Variants in EYS observed in about 807,000 individuals in gnomAD.
The protein encoded by EYS is protein eyes shut homolog.
EYS carries 250 observed loss-of-function variants against 282.1 expected under a neutral mutation model. That is an observed-to-expected ratio of 0.89 (90% CI 0.80 to 0.98). The LOEUF (loss-of-function observed/expected upper bound fraction) is 0.98, where lower values mean the gene tolerates loss of function less well. Among genes scored for constraint, EYS ranks in the 50% least tolerant of loss-of-function variants. The probability of loss-of-function intolerance (pLI) is 0.00; values close to 1 mark genes in which losing one functional copy is unlikely to be tolerated. For missense variants in EYS, 4,016 were observed against 3,709.0 expected (o/e 1.08, Z -2.15); for synonymous variants, 1,355 against 1,282.9 (o/e 1.06, Z -1.20).
intron 32 of EYS, among the ~76,000 whole-genome samples, chr6:64,078,154 T>G (rs1347548932): frequency 6.6e-6 from 1 of 152,054 alleles, no homozygotes; most frequent in African/African-American, 2.4e-5. Context: ...TCCTTGTCTC[T>G]TAAATATTTG....
At chr6:64,292,284 A>G (rs1884178) in intron 30 of EYS, among the ~76,000 whole-genome samples, 3,558 of 152,296 alleles carry the variant, frequency 0.023, 136 homozygotes, top group African/African-American at 0.081. Context: ...TCTCTGTAAC[A>G]AGGAGAAACA....
chr6:65,069,799 C>T (rs1773854121), intron 12 of EYS, among the ~76,000 whole-genome samples: 1 of 151,900 alleles, frequency 6.6e-6, no homozygotes, highest in Admixed American at 6.6e-5. Flanking sequence ...AAAATCTCTC[C>T]TTCAACTGAA....
intron 5 of EYS, among the ~76,000 whole-genome samples, chr6:65,436,035 TA>T (rs1273991399): frequency 6.6e-6 from 1 of 152,174 alleles, no homozygotes; most frequent in African/African-American, 2.4e-5. Context: ...CCCTTTTTTT[TA>T]CGATTGTCCT....
intron 25 of EYS, among the ~76,000 whole-genome samples, 169 bp downstream of exon 25, chr6:64,592,948 T>C (rs1217340406): frequency 6.6e-6 from 1 of 152,094 alleles, no homozygotes; most frequent in African/African-American, 2.4e-5. Flanking sequence ...AACAACATTG[T>C]TTAAAACAAA....
chr6:64,648,715 C>G (rs576456044), intron 22 of EYS, among the ~76,000 whole-genome samples: 3 of 152,128 alleles, frequency 2.0e-5, no homozygotes, highest in Admixed American at 2.0e-4. Flanking sequence ...ACTGATAAAC[C>G]GTTCAGAAGG....
At chr6:65,025,439 A>G (rs958249876) in intron 13 of EYS, among the ~76,000 whole-genome samples, 6 of 152,238 alleles carry the variant, frequency 3.9e-5, no homozygotes, top group Non-Finnish European at 8.8e-5. Flanking sequence ...CTAAATGTTT[A>G]ACTCTGTTTT....
At chr6:64,218,288 T>C (rs1471988931) in intron 31 of EYS, among the ~76,000 whole-genome samples, 2 of 152,108 alleles carry the variant, frequency 1.3e-5, no homozygotes, top group Non-Finnish European at 2.9e-5. Flanking sequence ...TAAAAAGCCT[T>C]ACAATCATGA....
At chr6:65,438,173 A>G (rs1373238347) in intron 5 of EYS, among the ~76,000 whole-genome samples, 1 of 152,000 alleles carries the variant, frequency 6.6e-6, no homozygotes, top group African/African-American at 2.4e-5. Flanking sequence ...ATGTCCCTAC[A>G]AAGGACATGA....
At chr6:65,633,750 C>T (rs1341501745) in intron 2 of EYS, among the ~76,000 whole-genome samples, 1 of 152,174 alleles carries the variant, frequency 6.6e-6, no homozygotes, top group Non-Finnish European at 1.5e-5. Context: ...GAGCAGAGGT[C>T]AGCAAACTAA....
chr6:65,009,207 A>G (rs775258752), intron 13 of EYS, among the ~76,000 whole-genome samples: 1 of 152,080 alleles, frequency 6.6e-6, no homozygotes, highest in Non-Finnish European at 1.5e-5. Flanking sequence ...TCCTTTCCCT[A>G]CCAAAGGCAG....
At chr6:64,782,666 C>G (rs1296511041) in intron 22 of EYS, among the ~76,000 whole-genome samples, 1 of 151,612 alleles carries the variant, frequency 6.6e-6, no homozygotes, top group Admixed American at 6.5e-5. Context: ...GGTCTATCTC[C>G]TAGTTTATTT....
At chr6:65,300,611 T>C (rs921067671) in intron 11 of EYS, among the ~76,000 whole-genome samples, 19 of 152,178 alleles carry the variant, frequency 1.2e-4, no homozygotes, top group Admixed American at 7.9e-4. Flanking sequence ...GGCTCTCCAC[T>C]TATATTGAAA....
intron 22 of EYS, among the ~76,000 whole-genome samples, chr6:64,715,008 A>G (rs1771339247): frequency 1.3e-5 from 2 of 151,902 alleles, no homozygotes; most frequent in Admixed American, 6.6e-5. Flanking sequence ...AATTGTATTA[A>G]TAGTTTAAAG....
chr6:63,903,779 A>C (rs969637626), intron 35 of EYS, among the ~76,000 whole-genome samples: 3 of 152,196 alleles, frequency 2.0e-5, no homozygotes, highest in Non-Finnish European at 4.4e-5. Context: ...GATGGAACGC[A>C]GACAGGAGGT....
chr6:64,764,181 T>C (rs1365292842), intron 22 of EYS, among the ~76,000 whole-genome samples: 1 of 152,250 alleles, frequency 6.6e-6, no homozygotes, highest in Non-Finnish European at 1.5e-5. Flanking sequence ...CAACCACACA[T>C]TTCCCTTCTG....
At chr6:64,208,529 C>T (rs1765674448) in intron 31 of EYS, among the ~76,000 whole-genome samples, 1 of 151,960 alleles carries the variant, frequency 6.6e-6, no homozygotes, top group Non-Finnish European at 1.5e-5. Flanking sequence ...CGGTATATTA[C>T]AGTAAATTTA....
intron 2 of EYS, among the ~76,000 whole-genome samples, chr6:65,512,226 C>T (rs1046324410): frequency 4.6e-5 from 7 of 152,032 alleles, no homozygotes; most frequent in African/African-American, 1.4e-4. Flanking sequence ...GGCACGGTGG[C>T]TCATGCCTGT....
At chr6:63,738,964 C>T (rs537656349) in intron 41 of EYS, among the ~76,000 whole-genome samples, 10 of 152,186 alleles carry the variant, frequency 6.6e-5, no homozygotes, top group South Asian at 4.2e-4. Context: ...TTACATCATT[C>T]GTGTTACGTT....
At position 63,720,764 on chromosome 6, in the gene EYS, GC is replaced by G. The variant is rs1401354711; in HGVS notation, c.9266del (p.Gly3089AlafsTer8). On this transcript the variant is annotated frameshift_variant, in exon 43 of 43. Coordinates refer to ENST00000503581, the MANE Select transcript of EYS (RefSeq NM_001142800.2). LOFTEE classifies it high-confidence loss of function. ...TATTTACCTTTCTACCATATTCAAA[GC>G]CCCCTAGATAACAAATGCCATCATA... ...LNYDGICYLG[G>X]FEYGRKVNIV... The G allele has an allele frequency of 5.2e-6, 8 of 1,550,174 alleles. No individual in the cohort carries two copies. Among genetic ancestry groups the G allele is most frequent in the Non-Finnish European group, 7.0e-6 (8 of 1,146,262 alleles).
Sources: allele counts gnomAD v4.1 joint callset (sites outside exome capture counted in the v4.1 genomes callset), GRCh38; gene constraint gnomAD v4.1.1; transcripts MANE v1.5; gene names NCBI Gene and HGNC (gene_info 2026-07-23, HGNC 2026-07-21).